The following EP300 variants were observed in gnomAD, a reference collection of about 807,000 sequenced individuals.
The protein encoded by EP300 is EP300 lysine acetyltransferase, also known as histone acetyltransferase p300.
Under a neutral mutation model 264.0 loss-of-function variants are expected in EP300, and 31 were observed. The observed-to-expected ratio is 0.12, with a 90% CI of 0.09 to 0.16. The LOEUF is 0.16. Among genes scored for constraint, EP300 ranks in the 10% least tolerant of loss-of-function variants. EP300 has a pLI of 1.00. For missense variants in EP300, 2,766 were observed against 3,052.9 expected (o/e 0.91, Z 2.21); for synonymous variants, 1,340 against 1,045.4 (o/e 1.28, Z -5.44).
rs146912823 is a variant in EP300, at chr22:41,165,891, T to A, written c.3807-708T>A. ...TTCAGGCAATTCTCCTGCCTCAGCC[T>A]CTCCTGCCTCAGCCTCTCGAGTAGC... On this transcript the variant is annotated intron_variant, in intron 22 of 30. Transcript: ENST00000263253. Among the ~76,000 whole-genome samples, 434 of 152,108 alleles carry A rather than the reference T, an allele frequency of 2.9e-3. 1 individual carries two copies. Among genetic ancestry groups the A allele is most frequent in the African/African-American group, 0.01 (419 of 41,452 alleles).
rs2058826053 is a variant in EP300 at position 41,117,175 on chromosome 22, C to T, written c.95-12C>T. 1 of 1,613,416 alleles carries T rather than the reference C, an allele frequency of 6.2e-7. No individual in the cohort carries two copies. Among genetic ancestry groups the T allele is most frequent in the Non-Finnish European group, 8.5e-7 (1 of 1,179,500 alleles). On this transcript the variant is annotated splice_polypyrimidine_tract_variant and intron_variant, in intron 1 of 30. Coordinates refer to ENST00000263253, the MANE Select transcript of EP300 (RefSeq NM_001429.4). ...TCATACTTTGACCTTTGTCTTTTCC[C>T]TTTGCTTTTAGATTTTGGCTCTCTA...
intron 10 of EP300, among the ~76,000 whole-genome samples, chr22:41,142,778 C>G (rs1387326743): frequency 6.6e-6 from 1 of 151,948 alleles, no homozygotes; most frequent in East Asian, 1.9e-4. Flanking sequence ...CCCAGCTACT[C>G]AAGAGGCTGA....
chr22:41,122,596 C>T (rs1211115383), intron 2 of EP300, among the ~76,000 whole-genome samples: 1 of 151,582 alleles, frequency 6.6e-6, no homozygotes, highest in African/African-American at 2.4e-5. Flanking sequence ...TGAATTTCAT[C>T]TGGAAAATGA....
chr22:41,133,914 C>A (rs2145718512), intron 6 of EP300, among the ~76,000 whole-genome samples: 1 of 152,302 alleles, frequency 6.6e-6, no homozygotes, highest in South Asian at 2.1e-4. Flanking sequence ...GAGTGAAATG[C>A]AAACATTTTT....
At chr22:41,121,220 A>G (rs954651149) in intron 2 of EP300, among the ~76,000 whole-genome samples, 1 of 152,096 alleles carries the variant, frequency 6.6e-6, no homozygotes, top group Non-Finnish European at 1.5e-5. Context: ...GCTGCCTAGA[A>G]CTTTGTGTGG....
chr22:41,172,706 A>C, intron 28 of EP300, 43 bp downstream of exon 28: 1 of 1,587,704 alleles, frequency 6.3e-7, no homozygotes, highest in Middle Eastern at 1.7e-4. Flanking sequence ...TCATGATTCT[A>C]ATATTTAATC....
chr22:41,112,264 A>G (rs1403865195), intron 1 of EP300, among the ~76,000 whole-genome samples: 2 of 151,322 alleles, frequency 1.3e-5, no homozygotes, highest in Non-Finnish European at 2.9e-5. Context: ...GTCTCTGCTC[A>G]CTGCAACCTC....
chr22:41,141,373 TA>T (rs2075158385), intron 10 of EP300, 151 bp downstream of exon 10: 13 of 784,994 alleles, frequency 1.7e-5, no homozygotes, highest in Non-Finnish European at 2.4e-5. Flanking sequence ...CATCTACTAG[TA>T]AAAACAGAAG....
At chr22:41,113,193 A>G (rs569147877) in intron 1 of EP300, among the ~76,000 whole-genome samples, 6 of 127,182 alleles carry the variant, frequency 4.7e-5, no homozygotes, top group African/African-American at 1.8e-4. Context: ...TTTGTTGGAG[A>G]AACTGGGACA....
intron 1 of EP300, among the ~76,000 whole-genome samples, chr22:41,104,218 C>T (rs1390086743): frequency 6.6e-6 from 1 of 151,856 alleles, no homozygotes; most frequent in East Asian, 1.9e-4. Context: ...TTTAGGCTTA[C>T]TATAAAACAT....
At chr22:41,112,016 TA>T (rs1251900478) in intron 1 of EP300, among the ~76,000 whole-genome samples, 4 of 150,010 alleles carry the variant, frequency 2.7e-5, no homozygotes, top group African/African-American at 4.9e-5. Flanking sequence ...GCCTCCCGAG[TA>T]GCTGGGACTA....
intron 14 of EP300, 96 bp downstream of exon 14, chr22:41,150,294 T>G: frequency 1.5e-6 from 2 of 1,362,510 alleles, no homozygotes; most frequent in Non-Finnish European, 2.0e-6. Flanking sequence ...CTTTATCTCT[T>G]ACTGTTTTCT....
At chr22:41,097,010 T>C (rs1601585346) in intron 1 of EP300, among the ~76,000 whole-genome samples, 1 of 152,246 alleles carries the variant, frequency 6.6e-6, no homozygotes, top group East Asian at 1.9e-4. Flanking sequence ...TCCAGCTCTG[T>C]AACTTGTGAT....
chr22:41,164,178 A>G, intron 22 of EP300, 48 bp downstream of exon 22: 1 of 1,536,096 alleles, frequency 6.5e-7, no homozygotes, highest in Non-Finnish European at 9.0e-7. Flanking sequence ...TTTATCGTGA[A>G]TATTAACAAG....
intron 1 of EP300, among the ~76,000 whole-genome samples, chr22:41,111,319 T>C (rs2145689016): frequency 6.6e-6 from 1 of 152,318 alleles, no homozygotes; most frequent in East Asian, 1.9e-4. Context: ...GTTGCTGGCA[T>C]ACAGAAATTC....
intron 18 of EP300, 99 bp from the exon 19 acceptor site, chr22:41,158,313 A>G: frequency 1.2e-6 from 1 of 868,010 alleles, no homozygotes; most frequent in African/African-American, 1.7e-5. Flanking sequence ...ATAAATGAGA[A>G]CTAAGACACC....
chr22:41,131,290 C>A (rs1295800177), intron 5 of EP300, 98 bp from the exon 6 acceptor site: 5 of 1,304,676 alleles, frequency 3.8e-6, no homozygotes, highest in African/African-American at 1.5e-5. Context: ...GTTTCATAAT[C>A]ACGTAACAAT....
intron 16 of EP300, among the ~76,000 whole-genome samples, chr22:41,154,376 C>CTTTTTTT (rs869304891): frequency 0.011 from 657 of 61,770 alleles, 99 homozygotes; most frequent in African/African-American, 0.036. Context: ...CTTGTGCACT[C>CTTTTTTT]TTTTTTTTTT....
intron 1 of EP300, among the ~76,000 whole-genome samples, chr22:41,114,797 A>T (rs2058812150): frequency 6.8e-6 from 1 of 148,148 alleles, no homozygotes; most frequent in Non-Finnish European, 1.5e-5. Context: ...AAAATGCTAA[A>T]AGATACAGAA....
Sources: allele counts gnomAD v4.1 joint callset (sites outside exome capture counted in the v4.1 genomes callset), GRCh38; gene constraint gnomAD v4.1.1; transcripts MANE v1.5; gene names NCBI Gene and HGNC (gene_info 2026-07-23, HGNC 2026-07-21).